The following CPLANE1 variants were observed in gnomAD, a reference collection of about 807,000 sequenced individuals.
CPLANE1 encodes the protein ciliogenesis and planar polarity effector complex subunit 1, also known as ciliogenesis and planar polarity effector 1.
In CPLANE1, 263 loss-of-function variants were observed where a neutral mutation model predicts 362.5. The ratio of observed to expected loss-of-function variants is 0.73; its 90% CI spans 0.66 to 0.80. CPLANE1 has a LOEUF of 0.80. Among genes scored for constraint, CPLANE1 ranks in the 30% least tolerant of loss-of-function variants. The pLI is 0.00. For missense variants in CPLANE1, 3,461 were observed against 3,793.4 expected (o/e 0.91, Z 2.30); for synonymous variants, 1,212 against 1,302.6 (o/e 0.93, Z 1.50).
At chr5:37,164,235 C>G (rs776968461) in intron 37 of CPLANE1, 38 bp downstream of exon 37, 1 of 1,491,844 alleles carries the variant, frequency 6.7e-7, no homozygotes. Flanking sequence ...AATTTTAACT[C>G]TAAACTTAGA....
intron 44 of CPLANE1, chr5:37,140,855 CTT>C (rs36108244): frequency 4.6e-4 from 374 of 805,832 alleles, no homozygotes; most frequent in African/African-American, 5.4e-4. Flanking sequence ...TATGCATGGA[CTT>C]TTTTTTTTTT....
intron 44 of CPLANE1, chr5:37,140,520 G>A (rs1769354128): frequency 1.0e-6 from 1 of 983,840 alleles, no homozygotes; most frequent in Non-Finnish European, 1.2e-6. Flanking sequence ...TTTTTACTAG[G>A]TAGAAAAAGA....
intron 21 of CPLANE1, among the ~76,000 whole-genome samples, chr5:37,192,853 C>CAAAA (rs1167999028): frequency 1.3e-5 from 1 of 74,888 alleles, no homozygotes; most frequent in African/African-American, 4.9e-5. Context: ...TAGACTCCAT[C>CAAAA]AAAAAAAAAA....
Position 37,183,640 on chromosome 5 carries a change from A to ATTTTCC in CPLANE1, c.4535_4540dup (p.Arg1512_Lys1513dup). On this transcript the variant is annotated inframe_insertion, in exon 26 of 53. Transcript: ENST00000651892. ...TGTAGGATTTTCTTTCTGATTACAC[A>ATTTTCC]TTTTCCTTTTATCAGTTGGCTTATG... is the stretch of plus-strand genomic sequence containing the variant. 1 of 1,610,392 alleles carries ATTTTCC rather than the reference A, an allele frequency of 6.2e-7. No homozygotes were observed. The highest frequency in any genetic ancestry group is 1.1e-5 in the South Asian group (1 of 89,972).
chr5:37,146,902 G>A (rs941552264), intron 43 of CPLANE1, among the ~76,000 whole-genome samples: 1 of 152,008 alleles, frequency 6.6e-6, no homozygotes, highest in African/African-American at 2.4e-5. Context: ...TTGACTATAA[G>A]TCAAAAAGGA....
At chr5:37,085,066 G>A in the CPLANE1 span, 2 of 703,762 alleles carry the variant, frequency 2.8e-6, no homozygotes, top group Admixed American at 1.9e-5. Flanking sequence ...ATGGCTGGTG[G>A]TCCCAAGAAG....
Position 37,213,558 on chromosome 5 carries a change from C to T in CPLANE1, c.2920+1G>A. ...TAAAAAGGATTTGTTTACTACATTACCTGTTTTAATATGAAGTGGGGGAAG... is the reference window on the plus strand; with the variant it reads ...TAAAAAGGATTTGTTTACTACATTATCTGTTTTAATATGAAGTGGGGGAAG... On this transcript the variant is annotated splice_donor_variant, in intron 16 of 52. Coordinates refer to ENST00000651892, the MANE Select transcript of CPLANE1 (RefSeq NM_001384732.1). LOFTEE classifies it high-confidence loss of function. 3 of 1,525,876 alleles carry T rather than the reference C, an allele frequency of 2.0e-6. No individual in the cohort carries two copies. The highest frequency in any genetic ancestry group is 2.7e-6 in the Non-Finnish European group (3 of 1,131,376). The allele number at this position is 1,525,876 out of a possible 1,614,324, so 94.5% of individuals were successfully genotyped here.
rs1768646731 is a variant in CPLANE1, at chr5:37,138,746, T to A, written c.8766A>T (p.Leu2922Phe). Residue 2922 changes from leucine to phenylalanine, a missense_variant, in exon 46 of 53, where the codon TTA becomes TTT. Physicochemically the swap from Leu to Phe is conservative, Grantham distance 22. Around this residue, in one of 2 missense-constraint regions of CPLANE1, gnomAD observed 3,380 missense variants for 3,666.1 expected, o/e 0.92. Coordinates refer to ENST00000651892, the MANE Select transcript of CPLANE1 (RefSeq NM_001384732.1). ...TGGAGGTGCCCATAGCTTGTTCTGT[T>A]AAGCCAAGTTCTTCACTGGAAACTC... ...KDGVSSEELG[L>F]TEQAMGTSRI... is the part of the protein sequence containing the mutation. 3 of 1,612,676 alleles carry A rather than the reference T, an allele frequency of 1.9e-6. No homozygotes were observed. The Admixed American group carries it at 5.0e-5, about 27-fold the overall frequency.
At position 37,209,918 on chromosome 5, in the gene CPLANE1, T is replaced by A. The variant is rs1195813609; in HGVS notation, c.2921-3493A>T. 7 of 1,406,570 alleles carry A rather than the reference T, an allele frequency of 5.0e-6. No homozygotes were observed. Among genetic ancestry groups the A allele is most frequent in the Non-Finnish European group, 7.1e-6 (7 of 992,886 alleles). 87.1% of individuals were successfully genotyped at this position (1,406,570 alleles called of 1,614,324 possible). On this transcript the variant is annotated intron_variant, in intron 16 of 52. Coordinates refer to ENST00000651892, the MANE Select transcript of CPLANE1 (RefSeq NM_001384732.1). The surrounding 1 kb of genome is among the most constrained non-coding windows in gnomAD (Gnocchi z 4.6). ...AGCTTATTGATGATCAGTTTGCAGATGCTTACCCTCAGCGTATCAAGTTTG... is the reference window on the plus strand; with the variant it reads ...AGCTTATTGATGATCAGTTTGCAGAAGCTTACCCTCAGCGTATCAAGTTTG...
At chr5:37,239,580 C>CAAAAAAAAAAAAAAAAAAAACCAAAAA (rs1799859073) in intron 7 of CPLANE1, 133 bp downstream of exon 7, 1 of 287,384 alleles carries the variant, frequency 3.5e-6, no homozygotes, top group Non-Finnish European at 5.4e-6. Context: ...GAGACCCTGT[C>CAAAAAAAAAAAAAAAAAAAACCAAAAA]AAAAAAAAAA....
the CPLANE1 span, among the ~76,000 whole-genome samples, chr5:37,083,325 A>C: frequency 6.6e-6 from 1 of 152,192 alleles, no homozygotes; most frequent in Non-Finnish European, 1.5e-5. Flanking sequence ...TACCCAAATG[A>C]GAAGGAATCA....
intron 41 of CPLANE1, among the ~76,000 whole-genome samples, chr5:37,155,622 G>A (rs529188854): frequency 3.3e-5 from 5 of 152,252 alleles, no homozygotes; most frequent in African/African-American, 7.2e-5. Context: ...AAATCCACCC[G>A]CCTTAGCCTC....
chr5:37,135,894 C>T (rs1288981335), intron 46 of CPLANE1, among the ~76,000 whole-genome samples: 2 of 151,926 alleles, frequency 1.3e-5, no homozygotes, highest in African/African-American at 4.8e-5. Flanking sequence ...ATCACGAGAA[C>T]AGGATGGGGC....
chr5:37,141,659 A>G, intron 44 of CPLANE1: 1 of 982,784 alleles, frequency 1.0e-6, no homozygotes, highest in Non-Finnish European at 1.2e-6. Flanking sequence ...ATTTTAATTG[A>G]CCATCAATAT....
intron 28 of CPLANE1, 87 bp from the exon 29 acceptor site, chr5:37,179,530 A>C (rs1317978104): frequency 1.2e-6 from 1 of 811,406 alleles, no homozygotes; most frequent in Non-Finnish European, 2.1e-6. Flanking sequence ...TATTACCAGA[A>C]ACAATATAAT....
intron 6 of CPLANE1, among the ~76,000 whole-genome samples, chr5:37,241,653 G>T (rs1259193943): frequency 1.3e-5 from 2 of 152,020 alleles, no homozygotes; most frequent in East Asian, 1.9e-4. Flanking sequence ...TCCAGACAGG[G>T]TCTCACTCTG....
chr5:37,105,639 G>C (rs1249591580), downstream of CPLANE1, among the ~76,000 whole-genome samples: 1 of 152,122 alleles, frequency 6.6e-6, no homozygotes, highest in East Asian at 1.9e-4. Flanking sequence ...CAAAAGCACA[G>C]GCAATGAAAG....
intron 6 of CPLANE1, among the ~76,000 whole-genome samples, chr5:37,241,462 AATAGATAG>A (rs536306146): frequency 3.9e-5 from 6 of 151,970 alleles, no homozygotes; most frequent in Admixed American, 6.6e-5. Flanking sequence ...CTCAAAAATA[AATAGATAG>A]ATAGATAGAT....
chr5:37,205,626 G>A (rs1414191322), intron 17 of CPLANE1, among the ~76,000 whole-genome samples, 172 bp from the exon 18 acceptor site: 2 of 152,136 alleles, frequency 1.3e-5, no homozygotes, highest in East Asian at 1.9e-4. Context: ...GACCCTCCAC[G>A]ATTATGATCC....
Sources: allele counts gnomAD v4.1 joint callset (sites outside exome capture counted in the v4.1 genomes callset), GRCh38; gene constraint gnomAD v4.1.1; regional missense constraint gnomAD v4.1.1; non-coding constraint Gnocchi (gnomAD v3.1); transcripts MANE v1.5; gene names NCBI Gene and HGNC (gene_info 2026-07-23, HGNC 2026-07-21).